TEX14: variants seen among roughly 807,000 people sequenced by gnomAD.
The protein encoded by TEX14 is inactive serine/threonine-protein kinase TEX14.
A neutral mutation model predicts 178.6 loss-of-function variants in TEX14; 168 were observed. The observed-to-expected ratio is 0.94, with a 90% CI of 0.83 to 1.07. TEX14 has a LOEUF of 1.07. TEX14 is among the 50% of genes least tolerant of loss of function. The pLI is 0.00. For synonymous variants in TEX14, 626 were observed against 634.1 expected (o/e 0.99, Z 0.19); for missense variants, 1,730 against 1,753.6 (o/e 0.99, Z 0.24).
At chr17:58,564,497 T>C (rs899378890) in intron 28 of TEX14, among the ~76,000 whole-genome samples, 2 of 152,124 alleles carry the variant, frequency 1.3e-5, no homozygotes, top group African/African-American at 4.8e-5. Context: ...AAAATGGTGG[T>C]GGCCAGGGTG....
At chr17:58,643,745 G>A (rs145074878) in intron 2 of TEX14, among the ~76,000 whole-genome samples, 2 of 151,454 alleles carry the variant, frequency 1.3e-5, no homozygotes, top group African/African-American at 2.4e-5. Context: ...GGTGATGCAC[G>A]ACTGTAAACC....
intron 1 of TEX14, among the ~76,000 whole-genome samples, chr17:58,689,266 G>A (rs1015055457): frequency 6.6e-6 from 1 of 151,732 alleles, no homozygotes; most frequent in African/African-American, 2.4e-5. Flanking sequence ...TCTGTTTCCA[G>A]GCTAGAGTGC....
At position 58,667,891 on chromosome 17, in the gene TEX14, TA is replaced by T. The variant is rs1205836185; in HGVS notation, c.-1-15890del. On this transcript the variant is annotated intron_variant, in intron 1 of 31. Coordinates refer to ENST00000349033, the MANE Select transcript of TEX14 (RefSeq NM_031272.5). The stretch of plus-strand genomic sequence containing the variant: ...CTGGGCGACAGAGTGAGACTCTGGC[TA>T]AAAAAAAAAAAAAAAAAAGATTCTT... Among the ~76,000 whole-genome samples the T allele has an allele frequency of 5.8e-3, 596 of 102,730 alleles. 1 individual carries two copies. Among genetic ancestry groups the T allele is most frequent in the East Asian group, 8.0e-3 (29 of 3,638 alleles). The allele number at this position is 102,730 out of a possible 152,430, so 67.4% of individuals were successfully genotyped here.
At chr17:58,609,106 C>T (rs574267408) in intron 10 of TEX14, among the ~76,000 whole-genome samples, 27 of 152,084 alleles carry the variant, frequency 1.8e-4, no homozygotes, top group African/African-American at 2.9e-4. Context: ...CATACCCTAA[C>T]GGCTCCCCTG....
intron 7 of TEX14, 88 bp downstream of exon 7, chr17:58,616,087 A>C: frequency 4.9e-6 from 7 of 1,419,336 alleles, no homozygotes; most frequent in Non-Finnish European, 6.7e-6. Context: ...GTGTTTGAGT[A>C]GAAACTCCCC....
intron 14 of TEX14, among the ~76,000 whole-genome samples, chr17:58,594,362 T>C (rs2045230356): frequency 6.6e-6 from 1 of 151,662 alleles, no homozygotes; most frequent in African/African-American, 2.4e-5. Context: ...TTTTCTTTTT[T>C]TTTTTTTTGA....
chr17:58,647,786 C>T (rs1283741070), intron 2 of TEX14, among the ~76,000 whole-genome samples: 5 of 151,982 alleles, frequency 3.3e-5, no homozygotes, highest in African/African-American at 9.7e-5. Context: ...CTTCCACCTC[C>T]GAAGTTCAAG....
intron 2 of TEX14, among the ~76,000 whole-genome samples, chr17:58,648,872 C>G (rs2046776650): frequency 6.9e-6 from 1 of 145,374 alleles, no homozygotes; most frequent in South Asian, 2.2e-4. Context: ...TCACTGCAAG[C>G]TCCGCCTCCC....
intron 2 of TEX14, among the ~76,000 whole-genome samples, chr17:58,630,866 C>A (rs1458340415): frequency 1.3e-5 from 2 of 152,054 alleles, no homozygotes; most frequent in African/African-American, 2.4e-5. Context: ...ACTAAAGATA[C>A]TCTGTGTGTT....
At chr17:58,581,828 T>C in intron 19 of TEX14, 1 of 1,334,084 alleles carries the variant, frequency 7.5e-7, no homozygotes, top group Non-Finnish European at 1.0e-6. Context: ...TATCTAACAC[T>C]ACCCAGCAGT....
chr17:58,633,373 C>A (rs1267328883), intron 2 of TEX14, among the ~76,000 whole-genome samples: 1 of 152,070 alleles, frequency 6.6e-6, no homozygotes, highest in East Asian at 1.9e-4. Context: ...ATCCCAAGCA[C>A]CTAATAATGA....
chr17:58,668,185 T>C (rs2047245266), intron 1 of TEX14, among the ~76,000 whole-genome samples: 1 of 152,194 alleles, frequency 6.6e-6, no homozygotes, highest in Admixed American at 6.5e-5. Flanking sequence ...TTGGTAATTT[T>C]CTAACCACTG....
chr17:58,585,604 G>A (rs1258734512), intron 18 of TEX14, among the ~76,000 whole-genome samples, 197 bp downstream of exon 18: 3 of 144,404 alleles, frequency 2.1e-5, no homozygotes, highest in African/African-American at 7.7e-5. Context: ...ACCACGCCCA[G>A]CTAATGTTTT....
At chr17:58,575,203 C>T (rs1281960587) in intron 21 of TEX14, among the ~76,000 whole-genome samples, 4 of 151,536 alleles carry the variant, frequency 2.6e-5, no homozygotes, top group African/African-American at 9.7e-5. Context: ...CAACCTTCGC[C>T]TCCTGGGTTC....
At position 58,584,499 on chromosome 17, in the gene TEX14, C is replaced by T. The variant is rs770624541; in HGVS notation, c.3171+1G>A. 6.2e-7 allele frequency: 1 copy of T among 1,610,324 alleles called. No individual in the cohort carries two copies. The highest frequency in any genetic ancestry group is 8.5e-7 in the Non-Finnish European group (1 of 1,176,544). ...TTGGCTTTCCAGGCAGTATTACTTA[C>T]ACTGTAAGATTTCTCTACAGCCACC... On this transcript the variant is annotated splice_donor_variant, in intron 19 of 31. Coordinates refer to ENST00000349033, the MANE Select transcript of TEX14 (RefSeq NM_031272.5). LOFTEE classifies it high-confidence loss of function.
At position 58,644,723 on chromosome 17, in the gene TEX14, C is replaced by G. The variant is rs952835066; in HGVS notation, c.136+7143G>C. ...GTGGCAAGATCTCGGCTCACTGCAACCTCCGCCCCCCCTGGTTCAAGCGAT... is the reference window on the plus strand; with the variant it reads ...GTGGCAAGATCTCGGCTCACTGCAAGCTCCGCCCCCCCTGGTTCAAGCGAT... On this transcript the variant is annotated intron_variant, in intron 2 of 31. Transcript: ENST00000349033. Among the ~76,000 whole-genome samples the G allele has an allele frequency of 2.1e-5, 3 of 142,918 alleles. No homozygotes were observed. In the Admixed American group the frequency reaches 2.2e-4, roughly 10 times the overall value. 93.8% of individuals were successfully genotyped at this position (142,918 alleles called of 152,430 possible).
chr17:58,616,028 G>A, intron 7 of TEX14, 147 bp downstream of exon 7: 1 of 892,474 alleles, frequency 1.1e-6, no homozygotes, highest in Non-Finnish European at 1.7e-6. Flanking sequence ...TGGTAATAGT[G>A]TCCTGGCTGA....
At chr17:58,578,768 G>A (rs1247941314) in intron 20 of TEX14, among the ~76,000 whole-genome samples, 2 of 152,208 alleles carry the variant, frequency 1.3e-5, no homozygotes, top group Non-Finnish European at 2.9e-5. Context: ...ATTATGCTGA[G>A]ACTTTAAGTA....
At chr17:58,607,834 G>A (rs1242965772) in intron 10 of TEX14, among the ~76,000 whole-genome samples, 1 of 152,224 alleles carries the variant, frequency 6.6e-6, no homozygotes, top group African/African-American at 2.4e-5. Flanking sequence ...AATCATTTAA[G>A]AAACATTTAC....
Sources: gnomAD v4.1 joint callset for allele counts (sites outside exome capture counted in the v4.1 genomes callset) on GRCh38, gnomAD v4.1.1 for gene constraint, MANE v1.5 for transcripts, NCBI Gene and HGNC (gene_info 2026-07-23, HGNC 2026-07-21) for gene names.